Variants in PSD3 observed in about 807,000 individuals in gnomAD.
PSD3 encodes the protein PH and SEC7 domain-containing protein 3.
In PSD3, 49 loss-of-function variants were observed where a neutral mutation model predicts 105.5. The observed-to-expected ratio is 0.46, with a 90% CI of 0.37 to 0.59. The LOEUF is 0.59. Ranked by LOEUF, PSD3 falls within the 20% of genes least tolerant of loss-of-function variation. The probability of loss-of-function intolerance (pLI) is 0.00; values close to 1 mark genes in which losing one functional copy is unlikely to be tolerated. For synonymous variants in PSD3, 557 were observed against 457.8 expected (o/e 1.22, Z -2.77); for missense variants, 1,561 against 1,263.8 (o/e 1.24, Z -3.57).
intron 9 of PSD3, among the ~76,000 whole-genome samples, chr8:18,742,697 T>G (rs1419314576): frequency 6.6e-6 from 1 of 152,230 alleles, no homozygotes; most frequent in Non-Finnish European, 1.5e-5. Context: ...ATCACCATTT[T>G]GGTGCCCAAC....
rs1799804793 is a variant in PSD3 at position 18,535,612 on chromosome 8, A to C, written c.*131T>G. The C allele has an allele frequency of 1.3e-6, 1 of 758,780 alleles. No homozygotes were observed. Among genetic ancestry groups the C allele is most frequent in the African/African-American group, 1.8e-5 (1 of 56,772 alleles). 47.0% of individuals were successfully genotyped at this position (758,780 alleles called of 1,614,324 possible). A position where few individuals can be genotyped will look rare whatever the true frequency, so the allele number is the denominator to read the frequency against. On this transcript the variant is annotated 3_prime_UTR_variant, in exon 16 of 16. Transcript: ENST00000327040. ...TGTACAGAAACTAACAAAAATATAC[A>C]ATAGAAAAAATTACTAATGCACCGT...
chr8:18,770,912 T>C (rs923672072), intron 8 of PSD3, among the ~76,000 whole-genome samples: 2 of 152,122 alleles, frequency 1.3e-5, no homozygotes, highest in East Asian at 3.9e-4. Flanking sequence ...TGGAGGATGG[T>C]AAATGCAGGA....
intron 8 of PSD3, among the ~76,000 whole-genome samples, chr8:18,793,334 T>G (rs1452829194): frequency 1.6e-5 from 1 of 63,072 alleles, no homozygotes; most frequent in East Asian, 3.6e-4. Context: ...CAAAATAAAA[T>G]AAAAAATAAA....
intron 2 of PSD3, among the ~76,000 whole-genome samples, chr8:18,878,131 T>C (rs561773721): frequency 6.6e-6 from 1 of 152,266 alleles, no homozygotes; most frequent in Admixed American, 6.5e-5. Flanking sequence ...TCTTCTTTAA[T>C]TTCTTTTAGC....
intron 8 of PSD3, among the ~76,000 whole-genome samples, chr8:18,781,134 C>T (rs1808586222): frequency 6.6e-6 from 1 of 152,118 alleles, no homozygotes; most frequent in East Asian, 1.9e-4. Flanking sequence ...TAATTCCATC[C>T]ACCACGTTGA....
chr8:19,015,893 C>A (rs920594821), upstream of PSD3, among the ~76,000 whole-genome samples: 1 of 152,120 alleles, frequency 6.6e-6, no homozygotes, highest in Admixed American at 6.5e-5. Flanking sequence ...ATCCCTGAAG[C>A]CAAAATATTT....
At chr8:18,980,858 T>A (rs1281672571) in intron 1 of PSD3, among the ~76,000 whole-genome samples, 1 of 152,152 alleles carries the variant, frequency 6.6e-6, no homozygotes, top group Non-Finnish European at 1.5e-5. Context: ...CACTGAGTGC[T>A]TCCGCCACAG....
intron 9 of PSD3, among the ~76,000 whole-genome samples, chr8:18,743,077 G>A (rs1804707470): frequency 6.6e-6 from 1 of 152,120 alleles, no homozygotes; most frequent in African/African-American, 2.4e-5. Context: ...TTGATAGCAG[G>A]CTTCTCTTAA....
chr8:18,916,607 T>C (rs7841001), intron 2 of PSD3, among the ~76,000 whole-genome samples: 12,312 of 151,698 alleles, frequency 0.081, 612 homozygotes, highest in African/African-American at 0.13. Flanking sequence ...GAGGTGTTGG[T>C]CAAATGGAAC....
chr8:18,955,259 G>A (rs946677842), intron 1 of PSD3, among the ~76,000 whole-genome samples: 1 of 152,038 alleles, frequency 6.6e-6, no homozygotes, highest in Non-Finnish European at 1.5e-5. Context: ...TGTGTTTTTA[G>A]AGACAGGGTC....
intron 9 of PSD3, among the ~76,000 whole-genome samples, chr8:18,700,945 A>G (rs1445255870): frequency 6.6e-6 from 1 of 152,144 alleles, no homozygotes; most frequent in Non-Finnish European, 1.5e-5. Flanking sequence ...TTAAAACTCT[A>G]TAATTTCATA....
chr8:18,744,023 C>G (rs1438160743), intron 9 of PSD3, among the ~76,000 whole-genome samples: 3 of 147,538 alleles, frequency 2.0e-5, no homozygotes, highest in Admixed American at 1.3e-4. Flanking sequence ...ATATGCTGCT[C>G]CCCTGACATC....
At chr8:18,589,779 AG>A (rs1803460078) in intron 12 of PSD3, among the ~76,000 whole-genome samples, 1 of 152,178 alleles carries the variant, frequency 6.6e-6, no homozygotes, top group African/African-American at 2.4e-5. Flanking sequence ...AGAAACAAAA[AG>A]AAAAGACAAA....
intron 1 of PSD3, among the ~76,000 whole-genome samples, chr8:18,993,248 C>T (rs980752370): frequency 3.9e-5 from 6 of 152,144 alleles, no homozygotes; most frequent in African/African-American, 1.4e-4. Flanking sequence ...GTAACTATTA[C>T]GTCCACTAAG....
chr8:18,852,773 A>G (rs1815694533), intron 4 of PSD3, among the ~76,000 whole-genome samples: 1 of 152,162 alleles, frequency 6.6e-6, no homozygotes, highest in African/African-American at 2.4e-5. Context: ...ATGCTCTAAC[A>G]TCGAAGTCCT....
At chr8:18,724,874 A>T (rs1803239172) in intron 9 of PSD3, among the ~76,000 whole-genome samples, 1 of 152,328 alleles carries the variant, frequency 6.6e-6, no homozygotes, top group African/African-American at 2.4e-5. Context: ...TATGTGGTCA[A>T]AGAACAATCG....
At chr8:18,825,369 G>C (rs1309546584) in intron 4 of PSD3, among the ~76,000 whole-genome samples, 3 of 152,178 alleles carry the variant, frequency 2.0e-5, no homozygotes, top group Non-Finnish European at 4.4e-5. Context: ...CACATGGCCA[G>C]GTACCACCCC....
In PSD3 at chr8:18,725,723, G is replaced by A. The variant is rs188156096; in HGVS notation, c.2172+39726C>T. On this transcript the variant is annotated intron_variant, in intron 9 of 15. Transcript: ENST00000327040. ...TCCTCCAGCACTAAACCTGTAAGAT[G>A]AACAGATATCATCTCCTAGGTTATT... Among the ~76,000 whole-genome samples the A allele has an allele frequency of 1.8e-3, 271 of 152,086 alleles. 1 individual carries two copies. Among genetic ancestry groups the A allele is most frequent in the African/African-American group, 6.0e-3 (251 of 41,494 alleles).
At chr8:18,849,813 T>A (rs1328178638) in intron 4 of PSD3, 1 of 152,204 alleles carries the variant, frequency 6.6e-6, no homozygotes, top group African/African-American at 2.4e-5. Flanking sequence ...GTAAACTGTT[T>A]CAACCAGAAG....
Sources: allele counts gnomAD v4.1 joint callset (sites outside exome capture counted in the v4.1 genomes callset), GRCh38; gene constraint gnomAD v4.1.1; transcripts MANE v1.5; gene names NCBI Gene and HGNC (gene_info 2026-07-23, HGNC 2026-07-21).